CRACR2A: variants seen among roughly 807,000 people sequenced by gnomAD.
CRACR2A encodes the protein EF-hand calcium-binding domain-containing protein 4B.
In CRACR2A, 79 loss-of-function variants were observed where a neutral mutation model predicts 90.5. That is an observed-to-expected ratio of 0.87 (90% CI 0.73 to 1.05). The LOEUF is 1.05. Among genes scored for constraint, CRACR2A ranks in the 50% least tolerant of loss-of-function variants. CRACR2A has a pLI of 0.00. For missense variants in CRACR2A, 823 were observed against 897.2 expected (o/e 0.92, Z 1.06); for synonymous variants, 338 against 356.7 (o/e 0.95, Z 0.59).
At chr12:3,666,361 G>A (rs1424022420) in intron 7 of CRACR2A, among the ~76,000 whole-genome samples, 5 of 147,034 alleles carry the variant, frequency 3.4e-5, no homozygotes, top group African/African-American at 8.0e-5. Context: ...GTGTGCGTGC[G>A]TGTGCGCGTG....
intron 11 of CRACR2A, 96 bp from the exon 12 acceptor site, chr12:3,644,736 G>A: frequency 9.1e-7 from 1 of 1,096,906 alleles, no homozygotes; most frequent in Non-Finnish European, 1.4e-6. Flanking sequence ...GCAGGGGAAG[G>A]TGTGGTATGG....
At chr12:3,654,165 G>T in intron 10 of CRACR2A, 47 bp downstream of exon 10, 1 of 1,590,152 alleles carries the variant, frequency 6.3e-7, no homozygotes, top group Non-Finnish European at 8.5e-7. Context: ...CCATAGTGGG[G>T]AGTGGTGCGG....
chr12:3,617,465 G>A (rs746466834), intron 18 of CRACR2A, among the ~76,000 whole-genome samples: 2 of 152,178 alleles, frequency 1.3e-5, no homozygotes, highest in Non-Finnish European at 2.9e-5. Context: ...GTCCCACATT[G>A]AGTTAATGGC....
intron 7 of CRACR2A, among the ~76,000 whole-genome samples, chr12:3,671,396 G>A (rs1356898965): frequency 6.6e-6 from 1 of 152,112 alleles, no homozygotes; most frequent in Admixed American, 6.5e-5. Flanking sequence ...GGAAAACCAA[G>A]GCTCAAGAGA....
chr12:3,724,416 C>A (rs1404927310), intron 2 of CRACR2A, among the ~76,000 whole-genome samples: 1 of 152,210 alleles, frequency 6.6e-6, no homozygotes, highest in Non-Finnish European at 1.5e-5. Context: ...GAAAGTAGGG[C>A]ATGGATCTGC....
intron 7 of CRACR2A, among the ~76,000 whole-genome samples, chr12:3,665,864 C>T (rs1181972332): frequency 6.6e-6 from 1 of 152,214 alleles, no homozygotes; most frequent in African/African-American, 2.4e-5. Flanking sequence ...TACAGTATGA[C>T]TCTGGGCAAA....
chr12:3,641,727 C>T lies in CRACR2A; in HGVS notation c.1271+5G>A. The stretch of plus-strand genomic sequence containing the variant: ...TGAAGGGATGAGCAAGTGGAGATGA[C>T]TTACCTCCTAAGAATCCCTCTGCTG... On this transcript the variant is annotated splice_donor_5th_base_variant and intron_variant, in intron 13 of 19. Coordinates refer to ENST00000440314, the MANE Select transcript of CRACR2A (RefSeq NM_001144958.2). The T allele has an allele frequency of 6.4e-7, 1 of 1,551,058 alleles. No individual in the cohort carries two copies. Among genetic ancestry groups the T allele is most frequent in the Non-Finnish European group, 8.7e-7 (1 of 1,146,460 alleles).
intron 17 of CRACR2A, among the ~76,000 whole-genome samples, chr12:3,625,396 A>G (rs1944237818): frequency 6.6e-6 from 1 of 151,790 alleles, no homozygotes; most frequent in Admixed American, 6.6e-5. Context: ...CTCTGTGCAA[A>G]ACAGGAGCCT....
At chr12:3,744,238 G>A (rs1371857228) in intron 1 of CRACR2A, among the ~76,000 whole-genome samples, 1 of 152,164 alleles carries the variant, frequency 6.6e-6, no homozygotes, top group Non-Finnish European at 1.5e-5. Context: ...TTAACAGTTT[G>A]GTAAATTCCA....
chr12:3,660,548 C>A (rs894278192), intron 7 of CRACR2A, among the ~76,000 whole-genome samples: 1 of 151,952 alleles, frequency 6.6e-6, no homozygotes, highest in Non-Finnish European at 1.5e-5. Context: ...CACGGATGAC[C>A]CTTTTCTGCT....
intron 15 of CRACR2A, among the ~76,000 whole-genome samples, chr12:3,632,077 A>G (rs1180778732): frequency 6.6e-6 from 1 of 152,088 alleles, no homozygotes; most frequent in African/African-American, 2.4e-5. Flanking sequence ...TGAATGGTTT[A>G]GCACCTTCCC....
At chr12:3,649,751 T>C (rs1244373735) in intron 10 of CRACR2A, among the ~76,000 whole-genome samples, 2 of 148,936 alleles carry the variant, frequency 1.3e-5, no homozygotes, top group East Asian at 3.9e-4. Context: ...AATCAGCAAA[T>C]AGTTGTAGGA....
At chr12:3,642,770 T>A (rs1446201782) in intron 12 of CRACR2A, among the ~76,000 whole-genome samples, 1 of 152,184 alleles carries the variant, frequency 6.6e-6, no homozygotes, top group African/African-American at 2.4e-5. Context: ...AGCAGGGGTT[T>A]ACAACCCCCT....
chr12:3,650,576 C>G (rs964018872), intron 10 of CRACR2A, among the ~76,000 whole-genome samples: 1 of 152,164 alleles, frequency 6.6e-6, no homozygotes, highest in African/African-American at 2.4e-5. Context: ...CAGAGCTGCC[C>G]GCTCCCGACT....
intron 1 of CRACR2A, among the ~76,000 whole-genome samples, chr12:3,744,684 T>C (rs576072276): frequency 6.6e-6 from 1 of 152,272 alleles, no homozygotes; most frequent in South Asian, 2.1e-4. Context: ...ATAATTTTTT[T>C]TTTAAACCCA....
chr12:3,671,941 G>A (rs1945251826), intron 7 of CRACR2A, among the ~76,000 whole-genome samples: 1 of 152,180 alleles, frequency 6.6e-6, no homozygotes, highest in Admixed American at 6.5e-5. Context: ...TGCACAGCTA[G>A]TAAATGGCAG....
intron 2 of CRACR2A, chr12:3,727,578 T>C (rs1461767265): frequency 6.6e-6 from 1 of 152,190 alleles, no homozygotes; most frequent in Non-Finnish European, 1.5e-5. Flanking sequence ...CTAGACAGAA[T>C]GCATGAAGCA....
chr12:3,719,589 A>G (rs1946127188), intron 2 of CRACR2A, among the ~76,000 whole-genome samples: 1 of 152,216 alleles, frequency 6.6e-6, no homozygotes, highest in South Asian at 2.1e-4. Context: ...TTTCATCAGA[A>G]GCCAAAACCG....
In CRACR2A at chr12:3,656,415, C is replaced by T. The variant is rs543420796; in HGVS notation, c.763-9G>A. On this transcript the variant is annotated splice_polypyrimidine_tract_variant and intron_variant, in intron 8 of 19. Coordinates refer to ENST00000440314, the MANE Select transcript of CRACR2A (RefSeq NM_001144958.2). The stretch of plus-strand genomic sequence containing the variant: ...TGAAACCTCTCTGTGTCCTGCCAAG[C>T]CAGAAAGAGGGACACACAGGACCCA... The T allele has an allele frequency of 7.4e-6, 12 of 1,613,904 alleles. No individual in the cohort carries two copies. In the South Asian group the frequency reaches 1.3e-4, roughly 18 times the overall value.
Sources: allele counts gnomAD v4.1 joint callset (sites outside exome capture counted in the v4.1 genomes callset), GRCh38; gene constraint gnomAD v4.1.1; transcripts MANE v1.5; gene names NCBI Gene and HGNC (gene_info 2026-07-23, HGNC 2026-07-21).